ZMYM4: variants seen among roughly 807,000 people sequenced by gnomAD.
ZMYM4 encodes the protein zinc finger MYM-type containing 4, also known as zinc finger MYM-type protein 4.
In ZMYM4, 31 loss-of-function variants were observed where a neutral mutation model predicts 183.2. The observed-to-expected ratio is 0.17, with a 90% CI of 0.13 to 0.23. The LOEUF is 0.23. ZMYM4 is among the 10% of genes least tolerant of loss of function. The pLI, the probability that ZMYM4 is intolerant of heterozygous loss-of-function variation, is 1.00. For synonymous variants in ZMYM4, 592 were observed against 631.2 expected, an observed-to-expected ratio of 0.94 and a Z score of 0.93; for missense variants, 1,273 against 1,840.3, an observed-to-expected ratio of 0.69 and a Z score of 5.64.
chr1:35,294,762 T>TG (rs1640924257), intron 1 of ZMYM4, among the ~76,000 whole-genome samples: 1 of 152,208 alleles, frequency 6.6e-6, no homozygotes, highest in African/African-American at 2.4e-5. Flanking sequence ...GTAAATATCT[T>TG]GGGATGGTAC....
rs950732656 is a variant in ZMYM4 at position 35,419,922 on chromosome 1, C to T, written c.*245C>T. Reference sequence around the variant, plus strand: ...GACATCTTCAGAATGACTAATTTCTCCGAGTGGTGCATAATCTTATTTTGT... The same window carrying T: ...GACATCTTCAGAATGACTAATTTCTTCGAGTGGTGCATAATCTTATTTTGT... On this transcript the variant is annotated 3_prime_UTR_variant, in exon 30 of 30. Coordinates refer to ENST00000314607, the MANE Select transcript of ZMYM4 (RefSeq NM_005095.3). 2 of 485,420 alleles carry T rather than the reference C, an allele frequency of 4.1e-6. No homozygotes were observed. Among genetic ancestry groups the T allele is most frequent in the African/African-American group, 3.9e-5 (2 of 51,472 alleles). The allele number at this position is 485,420 out of a possible 1,614,324, so 30.1% of individuals were successfully genotyped here.
intron 1 of ZMYM4, among the ~76,000 whole-genome samples, chr1:35,317,609 G>A (rs1463960546): frequency 2.0e-5 from 3 of 152,156 alleles, no homozygotes; most frequent in African/African-American, 7.2e-5. Context: ...GCCAGTAAAG[G>A]CTGGTTTGAT....
At chr1:35,324,642 T>C (rs989127157) in intron 1 of ZMYM4, among the ~76,000 whole-genome samples, 1 of 152,216 alleles carries the variant, frequency 6.6e-6, no homozygotes, top group Non-Finnish European at 1.5e-5. Flanking sequence ...GGGTGGCTGA[T>C]TCTGGCTTCT....
intron 1 of ZMYM4, among the ~76,000 whole-genome samples, chr1:35,271,761 C>T (rs1026614261): frequency 6.6e-6 from 1 of 152,130 alleles, no homozygotes; most frequent in Non-Finnish European, 1.5e-5. Context: ...ATAGGTTTCC[C>T]CCATTATTTT....
chr1:35,351,407 C>G, intron 2 of ZMYM4: 8 of 1,571,376 alleles, frequency 5.1e-6, no homozygotes, highest in Non-Finnish European at 6.9e-6. Flanking sequence ...TAAAGAACAG[C>G]GTAACTCCAG....
chr1:35,321,883 A>C (rs1642296296), intron 1 of ZMYM4, among the ~76,000 whole-genome samples: 1 of 151,986 alleles, frequency 6.6e-6, no homozygotes, highest in Non-Finnish European at 1.5e-5. Context: ...CACTTCTAGA[A>C]ATTGATCCTA....
chr1:35,385,777 C>T (rs184765198), intron 10 of ZMYM4, among the ~76,000 whole-genome samples, 185 bp downstream of exon 10: 8 of 152,104 alleles, frequency 5.3e-5, no homozygotes, highest in Non-Finnish European at 1.0e-4. Flanking sequence ...TATGCATTTC[C>T]CCCTTACCAA....
At chr1:35,291,019 T>A (rs1640733854) in intron 1 of ZMYM4, among the ~76,000 whole-genome samples, 1 of 152,210 alleles carries the variant, frequency 6.6e-6, no homozygotes, top group African/African-American at 2.4e-5. Flanking sequence ...CATCCTTTCA[T>A]TGTACAGTTC....
At chr1:35,390,564 G>GAAAA (rs769916388) in intron 15 of ZMYM4, among the ~76,000 whole-genome samples, 61 of 152,230 alleles carry the variant, frequency 4.0e-4, no homozygotes, top group South Asian at 1.5e-3. Flanking sequence ...CACTTCTTTT[G>GAAAA]TGTTGGAATG....
At chr1:35,307,272 C>G (rs1455877512) in intron 1 of ZMYM4, among the ~76,000 whole-genome samples, 1 of 152,012 alleles carries the variant, frequency 6.6e-6, no homozygotes, top group African/African-American at 2.4e-5. Flanking sequence ...GGAGAAAACA[C>G]TGCATTGGTA....
At chr1:35,338,594 T>C (rs1348339609) in intron 2 of ZMYM4, among the ~76,000 whole-genome samples, 1 of 152,238 alleles carries the variant, frequency 6.6e-6, no homozygotes, top group African/African-American at 2.4e-5. Context: ...TGTTACTGGT[T>C]AATTAAAGTT....
chr1:35,400,799 T>C (rs1302432966), intron 23 of ZMYM4, among the ~76,000 whole-genome samples: 1 of 152,200 alleles, frequency 6.6e-6, no homozygotes, highest in Non-Finnish European at 1.5e-5. Flanking sequence ...TGATCTACTG[T>C]ACCGATTGAT....
chr1:35,358,632 C>G (rs1247278873), intron 2 of ZMYM4, among the ~76,000 whole-genome samples: 3 of 152,062 alleles, frequency 2.0e-5, no homozygotes, highest in Admixed American at 1.3e-4. Flanking sequence ...CAGGATCATG[C>G]TTTGATTTCA....
chr1:35,413,942 C>A (rs2149043337), intron 26 of ZMYM4, 30 bp from the exon 27 acceptor site: 1 of 1,219,776 alleles, frequency 8.2e-7, no homozygotes, highest in Non-Finnish European at 1.2e-6. Context: ...TTTTTATCAA[C>A]ATGTATATTT....
intron 22 of ZMYM4, 78 bp from the exon 23 acceptor site, chr1:35,399,404 A>G: frequency 7.7e-7 from 1 of 1,292,518 alleles, no homozygotes; most frequent in Non-Finnish European, 1.1e-6. Context: ...ATTACCTGAT[A>G]TTTCTTTACT....
At chr1:35,368,132 C>T (rs559027512) in intron 5 of ZMYM4, among the ~76,000 whole-genome samples, 1 of 122,764 alleles carries the variant, frequency 8.1e-6, no homozygotes, top group East Asian at 2.8e-4. Flanking sequence ...TTGAACATTG[C>T]CACATTCATT....
At chr1:35,301,023 T>G (rs1179443803) in intron 1 of ZMYM4, among the ~76,000 whole-genome samples, 2 of 152,186 alleles carry the variant, frequency 1.3e-5, no homozygotes, top group Non-Finnish European at 2.9e-5. Context: ...ATTCTCAAGC[T>G]TTGTTCTGGG....
chr1:35,317,453 A>G (rs972892163), intron 1 of ZMYM4, among the ~76,000 whole-genome samples: 2 of 151,150 alleles, frequency 1.3e-5, no homozygotes, highest in South Asian at 2.1e-4. Context: ...ATAAATAAAT[A>G]GATAGATAGA....
chr1:35,381,474 CG>C, intron 8 of ZMYM4, 41 bp downstream of exon 8: 1 of 1,607,964 alleles, frequency 6.2e-7, no homozygotes, highest in South Asian at 1.1e-5. Flanking sequence ...GAGTCTAATA[CG>C]TTTGTGCTTA....
Sources: allele counts gnomAD v4.1 joint callset (sites outside exome capture counted in the v4.1 genomes callset), GRCh38; gene constraint gnomAD v4.1.1; transcripts MANE v1.5; gene names NCBI Gene and HGNC (gene_info 2026-07-23, HGNC 2026-07-21).